The following FLNB variants were observed in gnomAD, a reference collection of about 807,000 sequenced individuals.
FLNB encodes filamin-B.
In FLNB, 111 loss-of-function variants were observed where a neutral mutation model predicts 250.6. That is an observed-to-expected ratio of 0.44 (90% CI 0.38 to 0.52). The LOEUF (loss-of-function observed/expected upper bound fraction) is 0.52. FLNB is among the 20% of genes least tolerant of loss of function. The pLI is 0.00. For missense variants in FLNB, 2,869 were observed against 3,447.8 expected (o/e 0.83, Z 4.20); for synonymous variants, 1,302 against 1,372.1 (o/e 0.95, Z 1.13).
rs2097288929 is a variant in FLNB at position 58,121,638 on chromosome 3, G to A, written c.3126+135G>A. ...AAAGTTAGCACAATTCACTGTGAAA[G>A]GTCCCCTGGGTAGGTGGGTCACAAC... On this transcript the variant is annotated intron_variant, in intron 20 of 45. Coordinates refer to ENST00000295956, the MANE Select transcript of FLNB (RefSeq NM_001457.4). The A allele has an allele frequency of 5.3e-6, 6 of 1,128,746 alleles. No homozygotes were observed. The African/African-American group carries it at 7.6e-5, about 14-fold the overall frequency. 69.9% of individuals were successfully genotyped at this position (1,128,746 alleles called of 1,614,324 possible). A position where few individuals can be genotyped will look rare whatever the true frequency, so the allele number is the denominator to read the frequency against.
At chr3:58,025,122 T>TTTTTTC (rs1245534843) in intron 1 of FLNB, among the ~76,000 whole-genome samples, 3 of 68,510 alleles carry the variant, frequency 4.4e-5, no homozygotes, top group African/African-American at 2.1e-4. Flanking sequence ...TCTTTTCTTC[T>TTTTTTC]TTCTTTCTTT....
chr3:58,094,633 T>C (rs531985860), intron 4 of FLNB, among the ~76,000 whole-genome samples: 1 of 152,330 alleles, frequency 6.6e-6, no homozygotes, highest in South Asian at 2.1e-4. Flanking sequence ...AATATCAAAA[T>C]TGGATATTAC....
chr3:58,133,685 C>T (rs1022540597), intron 26 of FLNB, among the ~76,000 whole-genome samples: 1 of 151,974 alleles, frequency 6.6e-6, no homozygotes, highest in African/African-American at 2.4e-5. Context: ...ATAAGCTCTT[C>T]ACCTCTTGGA....
chr3:58,169,891 AC>A lies in FLNB; in HGVS notation c.7621+103del. 1 of 890,630 alleles carries A rather than the reference AC, an allele frequency of 1.1e-6. No individual in the cohort carries two copies. The highest frequency in any genetic ancestry group is 1.8e-6 in the Non-Finnish European group (1 of 566,002). 55.2% of individuals were successfully genotyped at this position (890,630 alleles called of 1,614,324 possible). A position where few individuals can be genotyped will look rare whatever the true frequency, so the allele number is the denominator to read the frequency against. ...CCTGCTGAGGTCTCCTGCAGTGCCCACCCCCATGTAGGCCAGCCGTTTGCAA... is the reference window on the plus strand; with the variant it reads ...CCTGCTGAGGTCTCCTGCAGTGCCCACCCCATGTAGGCCAGCCGTTTGCAA... On this transcript the variant is annotated intron_variant, in intron 45 of 45. Coordinates refer to ENST00000295956, the MANE Select transcript of FLNB (RefSeq NM_001457.4). This position sits in a 1 kb window ranked among gnomAD's most constrained non-coding sequence, Gnocchi z 4.8.
chr3:58,056,396 C>T (rs1201267696), intron 1 of FLNB, among the ~76,000 whole-genome samples: 3 of 152,026 alleles, frequency 2.0e-5, no homozygotes, highest in Admixed American at 6.6e-5. Context: ...CCACCGCACC[C>T]GGCCAGATGC....
chr3:58,018,962 C>CA (rs34503609), intron 1 of FLNB, among the ~76,000 whole-genome samples: 33,191 of 71,352 alleles, frequency 0.47, 6,491 homozygotes, highest in Non-Finnish European at 0.51. Context: ...CACATCTCTA[C>CA]AAAAAAAAAA....
chr3:58,106,476 A>C (rs2097259892), intron 11 of FLNB, among the ~76,000 whole-genome samples: 1 of 144,374 alleles, frequency 6.9e-6, no homozygotes. Flanking sequence ...ATTTGAAAAA[A>C]AAAAAATATA....
At chr3:58,111,969 C>T (rs1249634567) in intron 17 of FLNB, 88 bp downstream of exon 17, 3 of 1,246,272 alleles carry the variant, frequency 2.4e-6, no homozygotes, top group African/African-American at 3.0e-5. Context: ...GGAACTTCAT[C>T]TCCACCAACA....
At chr3:58,068,441 A>G (rs1415694334) in intron 1 of FLNB, among the ~76,000 whole-genome samples, 1 of 152,138 alleles carries the variant, frequency 6.6e-6, no homozygotes, top group Non-Finnish European at 1.5e-5. Flanking sequence ...GGACTTGAAA[A>G]TGGGACACTG....
At chr3:58,168,953 TC>T in intron 44 of FLNB, 1 of 367,494 alleles carries the variant, frequency 2.7e-6, no homozygotes, top group South Asian at 3.0e-5. Context: ...GTCTGAAAAA[TC>T]CCCTGATTTC....
chr3:58,051,014 G>T (rs182124323), intron 1 of FLNB, among the ~76,000 whole-genome samples: 1 of 152,286 alleles, frequency 6.6e-6, no homozygotes. Context: ...AAAAGAGTTG[G>T]ACCTGATCAC....
intron 1 of FLNB, among the ~76,000 whole-genome samples, chr3:58,037,840 C>G (rs2097140286): frequency 6.6e-6 from 1 of 152,120 alleles, no homozygotes; most frequent in Admixed American, 6.6e-5. Context: ...AGAACATGAT[C>G]TTAAATGAAA....
In FLNB at chr3:58,145,921, A is replaced by T; in HGVS notation, c.5426A>T (p.Glu1809Val). Reference sequence around the variant, plus strand: ...TTGTTTGTGTCCTTCGTAAACCCAGAGAGCCCACTCCAGTTCTACGTGAAC... The same window carrying T: ...TTGTTTGTGTCCTTCGTAAACCCAGTGAGCCCACTCCAGTTCTACGTGAAC... ...HIKYMGSHIP[E>V]SPLQFYVNYP... Residue 1809 changes from glutamate to valine, a missense_variant and splice_region_variant, in exon 33 of 46, where the codon GAG becomes GTG. Glu to Val is a moderately radical substitution (Grantham distance 121). This residue lies in a region of FLNB where 1,084 missense variants were observed against 1,315.5 expected (regional missense o/e 0.82). Coordinates refer to ENST00000295956, the MANE Select transcript of FLNB (RefSeq NM_001457.4). 6.2e-7 allele frequency: 1 copy of T among 1,614,186 alleles called. No individual in the cohort carries two copies.
intron 34 of FLNB, 62 bp downstream of exon 34, chr3:58,147,055 C>T: frequency 1.3e-6 from 2 of 1,527,634 alleles, no homozygotes; most frequent in Non-Finnish European, 1.8e-6. Context: ...TGACTGCCAC[C>T]CTCCTTATCA....
chr3:58,150,593 C>A, intron 38 of FLNB: 1 of 331,658 alleles, frequency 3.0e-6, no homozygotes, highest in Non-Finnish European at 5.8e-6. Context: ...TAAGAGGTGG[C>A]AGCCCAGCGG....
At chr3:58,078,271 C>T (rs922688492) in intron 2 of FLNB, 3 of 1,410,870 alleles carry the variant, frequency 2.1e-6, no homozygotes, top group South Asian at 3.3e-5. Flanking sequence ...AGTCCTTTAC[C>T]TCATGTGCTT....
In FLNB at chr3:58,163,154, A is replaced by G. The variant is rs369846646; in HGVS notation, c.7022A>G (p.Asp2341Gly). ...CCTGTGCCTTTGCTCATTCTCCTAGATAAGTATGCTGTTCGCTTCATCCCT... is the reference window on the plus strand; with the variant it reads ...CCTGTGCCTTTGCTCATTCTCCTAGGTAAGTATGCTGTTCGCTTCATCCCT... Reference protein sequence around the residue: ...EECHVSELEPDKYAVRFIPHE... With the variant: ...EECHVSELEPGKYAVRFIPHE... Residue 2341 changes from aspartate (D) to glycine (G), a missense_variant and splice_region_variant, in exon 43 of 46, where the codon GAT (aspartate) becomes GGT (glycine). By Grantham distance (94) the Asp-to-Gly change is moderately conservative (BLOSUM62 -1). Around this residue, in one of 5 missense-constraint regions of FLNB, gnomAD observed 1,084 missense variants for 1,315.5 expected, o/e 0.82. Coordinates refer to ENST00000295956, the MANE Select transcript of FLNB (RefSeq NM_001457.4). 3.7e-6 allele frequency: 6 copies of G among 1,613,942 alleles called. No individual in the cohort carries two copies. Among genetic ancestry groups the G allele is most frequent in the African/African-American group, 1.3e-5 (1 of 74,898 alleles).
intron 4 of FLNB, among the ~76,000 whole-genome samples, chr3:58,086,939 C>T (rs2097218266): frequency 6.6e-6 from 1 of 152,064 alleles, no homozygotes; most frequent in Admixed American, 6.6e-5. Flanking sequence ...GTGGTGAAAC[C>T]CCCTTTACCA....
intron 21 of FLNB, among the ~76,000 whole-genome samples, chr3:58,123,927 A>G (rs2097293356): frequency 6.6e-6 from 1 of 152,202 alleles, no homozygotes; most frequent in South Asian, 2.1e-4. Flanking sequence ...CATGGGGAAC[A>G]GGACCTAGCA....
Sources: gnomAD v4.1 joint callset for allele counts (sites outside exome capture counted in the v4.1 genomes callset) on GRCh38, gnomAD v4.1.1 for gene constraint, gnomAD v4.1.1 regional missense constraint, Gnocchi (gnomAD v3.1) non-coding constraint, MANE v1.5 for transcripts, NCBI Gene and HGNC (gene_info 2026-07-23, HGNC 2026-07-21) for gene names.